The following NTRK3 variants were observed in gnomAD, a reference collection of about 807,000 sequenced individuals.
NTRK3 encodes NT-3 growth factor receptor.
NTRK3 carries 24 observed loss-of-function variants against 91.7 expected under a neutral mutation model. That is an observed-to-expected ratio of 0.26 (90% confidence interval 0.19 to 0.37). NTRK3 has a LOEUF of 0.37. NTRK3 is among the 10% of genes least tolerant of loss of function. The probability of loss-of-function intolerance (pLI) is 1.00; values close to 1 mark genes in which losing one functional copy is unlikely to be tolerated. For missense variants in NTRK3, 880 were observed against 1,068.9 expected (o/e 0.82, Z 2.46); for synonymous variants, 483 against 404.0 (o/e 1.20, Z -2.34).
At chr15:88,125,187 G>C (rs2053154899) in intron 13 of NTRK3, among the ~76,000 whole-genome samples, 1 of 152,118 alleles carries the variant, frequency 6.6e-6, no homozygotes, top group African/African-American at 2.4e-5. Context: ...AATTTTCAAG[G>C]AGTTACAGAG....
intron 13 of NTRK3, among the ~76,000 whole-genome samples, chr15:88,110,678 G>C (rs560812282): frequency 6.6e-6 from 1 of 152,196 alleles, no homozygotes; most frequent in South Asian, 2.1e-4. Context: ...GTGCTACAGA[G>C]GGAAGGTGCA....
At chr15:87,919,475 A>G (rs2067695406) in intron 17 of NTRK3, among the ~76,000 whole-genome samples, 1 of 152,132 alleles carries the variant, frequency 6.6e-6, no homozygotes, top group African/African-American at 2.4e-5. Context: ...GGTGGAAAAT[A>G]CCAGATTCTT....
intron 13 of NTRK3, among the ~76,000 whole-genome samples, chr15:88,112,774 T>C (rs965137490): frequency 6.6e-6 from 1 of 152,282 alleles, no homozygotes; most frequent in South Asian, 2.1e-4. Flanking sequence ...GCTATTTCTA[T>C]AGCAACAGCA....
At chr15:88,204,122 A>G (rs2048531004) in intron 3 of NTRK3, among the ~76,000 whole-genome samples, 1 of 152,210 alleles carries the variant, frequency 6.6e-6, no homozygotes, top group Non-Finnish European at 1.5e-5. Context: ...ATGAGTGAGA[A>G]CATGTGGTGT....
chr15:88,086,517 T>TTTTTTTTTTTTTGAGACGGAG (rs1567368930), intron 13 of NTRK3, among the ~76,000 whole-genome samples: 1 of 151,556 alleles, frequency 6.6e-6, no homozygotes, highest in African/African-American at 2.5e-5. Flanking sequence ...ATTTTATTTT[T>TTTTTTTTTTTTTGAGACGGAG]TAAAAACATG....
intron 14 of NTRK3, among the ~76,000 whole-genome samples, chr15:87,997,506 G>A (rs989533440): frequency 2.6e-5 from 4 of 151,974 alleles, no homozygotes; most frequent in African/African-American, 9.7e-5. Flanking sequence ...GGGCCTGGAG[G>A]GAAATCTTAC....
intron 13 of NTRK3, among the ~76,000 whole-genome samples, chr15:88,120,849 G>T (rs561830287): frequency 1.2e-4 from 19 of 152,316 alleles, no homozygotes; most frequent in Middle Eastern, 3.4e-3. Context: ...GAAGGCTCTC[G>T]CTAGCTGTGT....
intron 13 of NTRK3, among the ~76,000 whole-genome samples, chr15:88,121,297 C>G (rs1383916704): frequency 1.3e-5 from 2 of 152,234 alleles, no homozygotes; most frequent in Admixed American, 1.3e-4. Context: ...GATGATGGTG[C>G]ACTATGGATG....
chr15:88,224,400 C>T (rs2050500257), intron 3 of NTRK3, among the ~76,000 whole-genome samples: 1 of 152,234 alleles, frequency 6.6e-6, no homozygotes, highest in Non-Finnish European at 1.5e-5. Context: ...ACAAGTCCCA[C>T]ACAGTCTGCA....
chr15:88,194,582 T>C (rs969305700), intron 3 of NTRK3, among the ~76,000 whole-genome samples: 1 of 152,198 alleles, frequency 6.6e-6, no homozygotes, highest in African/African-American at 2.4e-5. Flanking sequence ...ACCATCACCT[T>C]TCATAAAGAC....
rs16941143 is a variant in NTRK3 at position 88,024,524 on chromosome 15, T to C, written c.1585+8333A>G. ...ACCAACAGAGATGGAGTTTTGGCAA[T>C]GTCATGAGAGTGAGGGGCCAAGACG... On this transcript the variant is annotated intron_variant, in intron 14 of 18. Coordinates refer to ENST00000394480, the Ensembl canonical transcript of NTRK3. Among the ~76,000 whole-genome samples the C allele has an allele frequency of 3.9e-4, 59 of 152,186 alleles. No individual in the cohort carries two copies. The East Asian group carries it at 0.01, about 26-fold the overall frequency.
At position 88,136,165 on chromosome 15, in the gene NTRK3, T is replaced by C. The variant is rs1041407201; in HGVS notation, c.766-125A>G. ...GCGGAAGGCGAAGGAGATCTTTGTG[T>C]GAAAGCACACTGGCCAAATGCCAGG... On this transcript the variant is annotated intron_variant, in intron 8 of 18. Transcript: ENST00000394480. The C allele has an allele frequency of 3.4e-5, 43 of 1,270,480 alleles. No individual in the cohort carries two copies. In the East Asian group the frequency reaches 1.0e-3, roughly 30 times the overall value. The allele number at this position is 1,270,480 out of a possible 1,614,324, so 78.7% of individuals were successfully genotyped here.
In NTRK3 at chr15:88,241,461, T is replaced by C. The variant is rs1321970005; in HGVS notation, c.248+14445A>G. 6.6e-6 allele frequency among the ~76,000 whole-genome samples: 1 copy of C among 152,042 alleles called. No individual in the cohort carries two copies. Among genetic ancestry groups the C allele is most frequent in the Non-Finnish European group, 1.5e-5 (1 of 67,970 alleles). ...GAACATGACCCCGGAAAATGAACCC[T>C]AGATGCAAATCAGGGAGTCATGAGG... On this transcript the variant is annotated intron_variant, in intron 3 of 18. Coordinates refer to ENST00000394480, the Ensembl canonical transcript of NTRK3. The surrounding 1 kb of genome is among the most constrained non-coding windows in gnomAD (Gnocchi z 4.3).
At chr15:88,218,183 T>C (rs2049952500) in intron 3 of NTRK3, among the ~76,000 whole-genome samples, 1 of 152,190 alleles carries the variant, frequency 6.6e-6, no homozygotes, top group African/African-American at 2.4e-5. Flanking sequence ...ACAGATTCTC[T>C]CGTCTGTGAA....
intron 17 of NTRK3, among the ~76,000 whole-genome samples, chr15:87,907,798 C>T (rs1174740529): frequency 6.6e-6 from 1 of 152,152 alleles, no homozygotes; most frequent in African/African-American, 2.4e-5. Context: ...GTCTGATGAT[C>T]AAGGTAAGAC....
In NTRK3 at chr15:88,243,456, G is replaced by C. The variant is rs559933504; in HGVS notation, c.248+12450C>G. 9.9e-5 allele frequency among the ~76,000 whole-genome samples: 15 copies of C among 152,006 alleles called. No individual in the cohort carries two copies. The East Asian group carries it at 2.7e-3, about 27-fold the overall frequency. On this transcript the variant is annotated intron_variant, in intron 3 of 18. Transcript: ENST00000394480. The surrounding 1 kb of genome is among the most constrained non-coding windows in gnomAD (Gnocchi z 4.8). ...CTACTCCTCTGCTGAGAGGAGGCTGGAGTTTCTTCACCAGTAAAGCCCAAA... is the reference window on the plus strand; with the variant it reads ...CTACTCCTCTGCTGAGAGGAGGCTGCAGTTTCTTCACCAGTAAAGCCCAAA...
intron 13 of NTRK3, among the ~76,000 whole-genome samples, chr15:88,094,475 C>CAAAAAAAAAA (rs10610101): frequency 1.6e-4 from 5 of 30,330 alleles, no homozygotes; most frequent in East Asian, 1.2e-3. Flanking sequence ...GACTCCGTCT[C>CAAAAAAAAAA]AAAAAAAAAA....
chr15:88,166,012 G>C (rs1468446946), intron 5 of NTRK3, among the ~76,000 whole-genome samples: 1 of 152,186 alleles, frequency 6.6e-6, no homozygotes, highest in Non-Finnish European at 1.5e-5. Flanking sequence ...TCATAACTCA[G>C]CCAGCTCTGC....
chr15:87,887,440 C>T (rs1257094777), intron 17 of NTRK3, among the ~76,000 whole-genome samples: 3 of 152,184 alleles, frequency 2.0e-5, no homozygotes, highest in Non-Finnish European at 4.4e-5. Context: ...AAGAGTGAAG[C>T]AACAGCCTGC....
Sources: allele counts gnomAD v4.1 joint callset (sites outside exome capture counted in the v4.1 genomes callset), GRCh38; gene constraint gnomAD v4.1.1; non-coding constraint Gnocchi (gnomAD v3.1); transcripts MANE v1.5; gene names NCBI Gene and HGNC (gene_info 2026-07-23, HGNC 2026-07-21).